Variants in SHLD2 observed in about 807,000 individuals in gnomAD.
SHLD2 encodes the protein shieldin complex subunit 2.
Under a neutral mutation model 73.2 loss-of-function variants are expected in SHLD2, and 30 were observed. The ratio of observed to expected loss-of-function variants is 0.41; its 90% CI spans 0.31 to 0.56. The LOEUF (loss-of-function observed/expected upper bound fraction) is 0.56, where lower values mean the gene tolerates loss of function less well. SHLD2 is among the 20% of genes least tolerant of loss of function. SHLD2 has a pLI of 0.28. For synonymous variants in SHLD2, 285 were observed against 370.1 expected (o/e 0.77, Z 2.64); for missense variants, 745 against 1,055.9 (o/e 0.71, Z 4.08).
chr10:87,135,781 A>G (rs1465283631), intron 2 of SHLD2, among the ~76,000 whole-genome samples: 4 of 151,498 alleles, frequency 2.6e-5, no homozygotes, highest in Non-Finnish European at 5.9e-5. Context: ...GACTACAGAC[A>G]TGTGCCACTA....
intron 2 of SHLD2, among the ~76,000 whole-genome samples, chr10:87,151,142 A>G (rs1229141981): frequency 1.3e-5 from 2 of 152,126 alleles, no homozygotes; most frequent in African/African-American, 2.4e-5. Flanking sequence ...TCTTTAGGTG[A>G]AAAATTTTTG....
At chr10:87,138,876 A>G (rs1374632770) in intron 2 of SHLD2, among the ~76,000 whole-genome samples, 1 of 152,194 alleles carries the variant, frequency 6.6e-6, no homozygotes, top group Non-Finnish European at 1.5e-5. Flanking sequence ...TATGAACCCT[A>G]CAGGGGTTCC....
intron 2 of SHLD2, among the ~76,000 whole-genome samples, chr10:87,109,778 A>G (rs1385819666): frequency 2.0e-5 from 3 of 152,212 alleles, no homozygotes; most frequent in South Asian, 2.1e-4. Flanking sequence ...TGGAGTCTAC[A>G]TGACAAATTC....
chr10:87,134,264 C>T (rs562189626), intron 2 of SHLD2, among the ~76,000 whole-genome samples: 45 of 152,246 alleles, frequency 3.0e-4, no homozygotes, highest in African/African-American at 9.6e-4. Context: ...AAAAACCCAT[C>T]TAAGAGCTGA....
intron 2 of SHLD2, among the ~76,000 whole-genome samples, chr10:87,148,338 A>G (rs1460255803): frequency 6.6e-6 from 1 of 152,348 alleles, no homozygotes; most frequent in East Asian, 1.9e-4. Flanking sequence ...AAGAATTCCA[A>G]TATGGTGGTC....
intron 2 of SHLD2, among the ~76,000 whole-genome samples, chr10:87,131,447 A>G (rs529046676): frequency 1.6e-4 from 25 of 152,318 alleles, no homozygotes; most frequent in African/African-American, 5.8e-4. Context: ...GATATTTCAT[A>G]TAAATGAAGT....
At chr10:87,131,678 T>C (rs1219634749) in intron 2 of SHLD2, among the ~76,000 whole-genome samples, 2 of 152,192 alleles carry the variant, frequency 1.3e-5, no homozygotes, top group Non-Finnish European at 2.9e-5. Flanking sequence ...TGAACACTGA[T>C]GTACAATTTT....
At chr10:87,147,835 G>A (rs1845729448) in intron 2 of SHLD2, among the ~76,000 whole-genome samples, 1 of 151,760 alleles carries the variant, frequency 6.6e-6, no homozygotes, top group South Asian at 2.1e-4. Flanking sequence ...TAGAGTTGCT[G>A]TCCCTTCCTT....
chr10:87,147,268 A>C (rs1379226926), intron 2 of SHLD2, among the ~76,000 whole-genome samples: 1 of 152,104 alleles, frequency 6.6e-6, no homozygotes, highest in African/African-American at 2.4e-5. Flanking sequence ...AGATATGTAA[A>C]GCACAGTTGG....
chr10:87,141,923 C>T (rs1401508308), intron 2 of SHLD2, among the ~76,000 whole-genome samples: 2 of 151,382 alleles, frequency 1.3e-5, no homozygotes, highest in Non-Finnish European at 2.9e-5. Context: ...TCCAGCTACT[C>T]GGGAGACTGA....
chr10:87,169,537 G>A (rs1288646396), intron 4 of SHLD2, among the ~76,000 whole-genome samples: 2 of 152,040 alleles, frequency 1.3e-5, no homozygotes, highest in African/African-American at 4.8e-5. Flanking sequence ...TTCTTTTACT[G>A]TCTAAAGGAA....
At chr10:87,147,072 G>GAAAAAAAAAAAAAAAAA (rs76041937) in intron 2 of SHLD2, among the ~76,000 whole-genome samples, 1 of 95,294 alleles carries the variant, frequency 1.0e-5, no homozygotes, top group Admixed American at 9.6e-5. Flanking sequence ...AAAAAAAAAA[G>GAAAAAAAAAAAAAAAAA]AAAAAAAAAA....
intron 4 of SHLD2, among the ~76,000 whole-genome samples, chr10:87,161,063 G>T (rs1294652688): frequency 6.6e-6 from 1 of 151,876 alleles, no homozygotes; most frequent in East Asian, 1.9e-4. Context: ...CAAATGCTCT[G>T]ATAACATACC....
intron 2 of SHLD2, among the ~76,000 whole-genome samples, chr10:87,142,870 C>T (rs1270046705): frequency 6.8e-6 from 1 of 147,846 alleles, no homozygotes; most frequent in African/African-American, 2.5e-5. Context: ...CCCCTGGCAC[C>T]TACCTGTGAG....
intron 2 of SHLD2, among the ~76,000 whole-genome samples, chr10:87,117,856 G>A (rs1300587743): frequency 6.6e-6 from 1 of 152,088 alleles, no homozygotes; most frequent in Non-Finnish European, 1.5e-5. Flanking sequence ...CTATTGTTTC[G>A]AAGAGTTTTG....
At position 87,152,563 on chromosome 10, in the gene SHLD2, G is replaced by A; in HGVS notation, c.1209G>A (p.Lys403=). Residue 403 remains lysine (K), a synonymous_variant, in exon 3 of 10, where the codon AAG becomes AAA. Transcript: ENST00000298786. ...SRVLQVAKKM[K]LISNGGDSAV... ...TCCTTCAAGTAGCTAAGAAAATGAA[G>A]TTGATTTCTAATGGAGGAGATTCTG... 6.2e-7 allele frequency: 1 copy of A among 1,611,440 alleles called. No individual in the cohort carries two copies. Among genetic ancestry groups the A allele is most frequent in the Non-Finnish European group, 8.5e-7 (1 of 1,179,756 alleles).
At chr10:87,183,691 G>A (rs1005317362) in intron 8 of SHLD2, among the ~76,000 whole-genome samples, 7 of 152,144 alleles carry the variant, frequency 4.6e-5, no homozygotes, top group African/African-American at 1.7e-4. Context: ...TGCTGCAGAA[G>A]CTGCTTTTGT....
intron 4 of SHLD2, among the ~76,000 whole-genome samples, chr10:87,166,560 T>C (rs560445669): frequency 5.9e-5 from 9 of 152,348 alleles, no homozygotes; most frequent in Non-Finnish European, 1.0e-4. Context: ...CAAGTTGATT[T>C]GTAAATTCAG....
chr10:87,176,153 G>A, intron 7 of SHLD2, 58 bp downstream of exon 7: 1 of 1,544,348 alleles, frequency 6.5e-7, no homozygotes, highest in East Asian at 2.4e-5. Context: ...ACAGGGTCTT[G>A]CTCTGTTGCT....
Sources: gnomAD v4.1 joint callset for allele counts (sites outside exome capture counted in the v4.1 genomes callset) on GRCh38, gnomAD v4.1.1 for gene constraint, MANE v1.5 for transcripts, NCBI Gene and HGNC (gene_info 2026-07-23, HGNC 2026-07-21) for gene names.